The following PLEKHM3 variants were observed in gnomAD, a reference collection of about 807,000 sequenced individuals.
PLEKHM3 encodes the protein pleckstrin homology domain containing M3.
In PLEKHM3, 45 loss-of-function variants were observed where a neutral mutation model predicts 81.8. The ratio of observed to expected loss-of-function variants is 0.55; its 90% CI spans 0.43 to 0.71. PLEKHM3 has a LOEUF of 0.71. Among genes scored for constraint, PLEKHM3 ranks in the 30% least tolerant of loss-of-function variants. The pLI, the probability that PLEKHM3 is intolerant of heterozygous loss-of-function variation, is 0.00. For missense variants in PLEKHM3, 788 were observed against 924.3 expected, an observed-to-expected ratio of 0.85 and a Z score of 1.91; for synonymous variants, 352 against 356.4, an observed-to-expected ratio of 0.99 and a Z score of 0.14.
intron 2 of PLEKHM3, among the ~76,000 whole-genome samples, chr2:207,986,299 G>A (rs745418769): frequency 1.3e-5 from 2 of 152,148 alleles, no homozygotes; most frequent in Non-Finnish European, 2.9e-5. Context: ...TGGAGTACTC[G>A]TAAGACTGCA....
At chr2:207,933,314 T>C (rs1326671649) in intron 4 of PLEKHM3, among the ~76,000 whole-genome samples, 1 of 152,220 alleles carries the variant, frequency 6.6e-6, no homozygotes, top group Non-Finnish European at 1.5e-5. Context: ...GCCCTGTCTT[T>C]AGGTATAATA....
At chr2:208,009,293 C>A (rs912046152) in intron 1 of PLEKHM3, among the ~76,000 whole-genome samples, 22 of 152,168 alleles carry the variant, frequency 1.4e-4, no homozygotes, top group African/African-American at 5.3e-4. Context: ...CCTCTTCCCA[C>A]CTCAACCTAC....
intron 4 of PLEKHM3, among the ~76,000 whole-genome samples, chr2:207,943,867 C>CAAAAA (rs66843432): frequency 6.8e-3 from 516 of 75,442 alleles, no homozygotes; most frequent in East Asian, 9.9e-3. Context: ...GACTCCGTCT[C>CAAAAA]AAAAAAAAAA....
At chr2:207,936,907 A>G (rs1368602585) in intron 4 of PLEKHM3, among the ~76,000 whole-genome samples, 3 of 151,818 alleles carry the variant, frequency 2.0e-5, no homozygotes, top group Admixed American at 6.6e-5. Flanking sequence ...AATTCATGAA[A>G]TATTTTAAAA....
rs1692310451 is a variant in PLEKHM3, at chr2:208,001,646, G to A, written c.-7C>T. The A allele has an allele frequency of 6.2e-7, 1 of 1,608,960 alleles. No individual in the cohort carries two copies. Among genetic ancestry groups the A allele is most frequent in the Admixed American group, 1.7e-5 (1 of 59,208 alleles). On this transcript the variant is annotated 5_prime_UTR_variant, in exon 2 of 8. Coordinates refer to ENST00000427836, the MANE Select transcript of PLEKHM3 (RefSeq NM_001080475.3). ...CCACTTCCAAAGCTTCCATGTCACA[G>A]GCTCCAGGAGGCCTTAGCCTCCTAA... is the stretch of plus-strand genomic sequence containing the variant.
At chr2:207,980,916 G>A (rs986429372) in intron 2 of PLEKHM3, among the ~76,000 whole-genome samples, 5 of 151,940 alleles carry the variant, frequency 3.3e-5, no homozygotes, top group Admixed American at 2.0e-4. Flanking sequence ...ATCACCTGAG[G>A]TCGAGTTTGA....
At position 207,931,134 on chromosome 2, in the gene PLEKHM3, T is replaced by C. The variant is rs377687881; in HGVS notation, c.1693-15A>G. 103 of 1,595,368 alleles carry C rather than the reference T, an allele frequency of 6.5e-5. No homozygotes were observed. The highest frequency in any genetic ancestry group is 8.4e-5 in the Non-Finnish European group (98 of 1,167,628). Reference sequence around the variant, plus strand: ...TGCTTCGACACCTACAAAACAAGCGTCGTCAGTCAGTCCTGGAGAAGCACC... The same window carrying C: ...TGCTTCGACACCTACAAAACAAGCGCCGTCAGTCAGTCCTGGAGAAGCACC... On this transcript the variant is annotated splice_polypyrimidine_tract_variant and intron_variant, in intron 4 of 7. Transcript: ENST00000427836.
chr2:207,925,172 G>A (rs1451826729), intron 5 of PLEKHM3, among the ~76,000 whole-genome samples: 4 of 150,790 alleles, frequency 2.7e-5, no homozygotes, highest in Non-Finnish European at 5.9e-5. Context: ...TGAGAGGGCA[G>A]GTAAAAAAAT....
rs1240122632 is a variant in PLEKHM3 at position 207,828,238 on chromosome 2, G to T, written c.*81C>A. Reference sequence around the variant, plus strand: ...GGATACATACTCTTCTTCCAAAGGGGTCTAACTGGCTAGTTAGGAGGCCGC... The same window carrying T: ...GGATACATACTCTTCTTCCAAAGGGTTCTAACTGGCTAGTTAGGAGGCCGC... On this transcript the variant is annotated 3_prime_UTR_variant, in exon 8 of 8. Coordinates refer to ENST00000427836, the MANE Select transcript of PLEKHM3 (RefSeq NM_001080475.3). 8 of 1,400,768 alleles carry T rather than the reference G, an allele frequency of 5.7e-6. No individual in the cohort carries two copies. Among genetic ancestry groups the T allele is most frequent in the East Asian group, 2.3e-5 (1 of 43,440 alleles). 86.8% of individuals were successfully genotyped at this position (1,400,768 alleles called of 1,614,324 possible). A position where few individuals can be genotyped will look rare whatever the true frequency, so the allele number is the denominator to read the frequency against.
intron 6 of PLEKHM3, among the ~76,000 whole-genome samples, chr2:207,881,029 T>G (rs1409576405): frequency 6.6e-6 from 1 of 151,432 alleles, no homozygotes; most frequent in Non-Finnish European, 1.5e-5. Context: ...ATAGAAACAC[T>G]CTGAATATAG....
intron 7 of PLEKHM3, among the ~76,000 whole-genome samples, chr2:207,831,236 C>A (rs1295880624): frequency 6.6e-6 from 1 of 152,210 alleles, no homozygotes; most frequent in Non-Finnish European, 1.5e-5. Flanking sequence ...CAGTCAACCC[C>A]CTCCTTGCCT....
In PLEKHM3 at chr2:207,977,072, G is replaced by A. The variant is rs1372765746; in HGVS notation, c.1125C>T (p.Asn375=). ...GCACAAATGTAAATGCCTTCCAGTT[G>A]TTTTGGACAGTCAGCCTGTAGAGAG... ...SGTLYRLTVQ[N]NWKAFTFVLS... Residue 375 remains asparagine, a synonymous_variant, in exon 3 of 8, where the codon AAC becomes AAT. Coordinates refer to ENST00000427836, the MANE Select transcript of PLEKHM3 (RefSeq NM_001080475.3). 13 of 1,614,212 alleles carry A rather than the reference G, an allele frequency of 8.1e-6. No individual in the cohort carries two copies. The highest frequency in any genetic ancestry group is 1.0e-5 in the Non-Finnish European group (12 of 1,180,026).
At position 207,849,758 on chromosome 2, in the gene PLEKHM3, G is replaced by C. The variant is rs75738411; in HGVS notation, c.2108+11347C>G. Among the ~76,000 whole-genome samples the C allele has an allele frequency of 7.3e-3, 1,113 of 152,230 alleles. 17 individuals are homozygous for C. The highest frequency in any genetic ancestry group is 0.026 in the African/African-American group (1,066 of 41,544). On this transcript the variant is annotated intron_variant, in intron 7 of 7. Transcript: ENST00000427836. The stretch of plus-strand genomic sequence containing the variant: ...ACTTGTGTTATGCTCCTCTATCTTT[G>C]GAGGTGTTTTATATTCCCTTAACTA...
chr2:207,884,140 CACCCCCCAAAAAAA>C (rs1367666713), intron 6 of PLEKHM3, among the ~76,000 whole-genome samples: 2 of 150,842 alleles, frequency 1.3e-5, no homozygotes, highest in East Asian at 3.9e-4. Flanking sequence ...TCCCCACCCC[CACCCCCCAAAAAAA>C]ACCACTCAAC....
chr2:207,837,632 C>CTTTTTT lies in PLEKHM3; in HGVS notation c.2109-9142_2109-9137dup, dbSNP rs756408346. On this transcript the variant is annotated intron_variant, in intron 7 of 7. Coordinates refer to ENST00000427836, the MANE Select transcript of PLEKHM3 (RefSeq NM_001080475.3). ...TAAAATAAAATTACAATAGTTCTCC[C>CTTTTTT]TTTTTTTTTTTTTTTTTTTGAGATG... Among the ~76,000 whole-genome samples, 52 of 105,956 alleles carry CTTTTTT rather than the reference C, an allele frequency of 4.9e-4. 3 individuals carry two copies. Among genetic ancestry groups the CTTTTTT allele is most frequent in the Non-Finnish European group, 5.6e-4 (31 of 55,316 alleles). The allele number at this position is 105,956 out of a possible 152,430, so 69.5% of individuals were successfully genotyped here. A position where few individuals can be genotyped will look rare whatever the true frequency, so the allele number is the denominator to read the frequency against.
At chr2:207,919,792 T>C (rs1245209867) in intron 5 of PLEKHM3, among the ~76,000 whole-genome samples, 1 of 152,160 alleles carries the variant, frequency 6.6e-6, no homozygotes, top group Non-Finnish European at 1.5e-5. Context: ...TCAGCTACAG[T>C]GAACTCACTA....
At chr2:207,882,314 A>C (rs971165980) in intron 6 of PLEKHM3, among the ~76,000 whole-genome samples, 2 of 152,146 alleles carry the variant, frequency 1.3e-5, no homozygotes, top group African/African-American at 4.8e-5. Context: ...GAAAACAGTT[A>C]TAAAAGGCCT....
intron 1 of PLEKHM3, among the ~76,000 whole-genome samples, chr2:208,006,947 G>C (rs1290479065): frequency 6.6e-6 from 1 of 152,132 alleles, no homozygotes; most frequent in Admixed American, 6.5e-5. Context: ...TGCTCGTTAG[G>C]CAAGGCTAAT....
chr2:207,865,127 G>A (rs1458922323), intron 6 of PLEKHM3, among the ~76,000 whole-genome samples: 1 of 152,118 alleles, frequency 6.6e-6, no homozygotes, highest in Admixed American at 6.5e-5. Flanking sequence ...TCCTAAAACA[G>A]TATTAATAAT....
Sources: allele counts gnomAD v4.1 joint callset (sites outside exome capture counted in the v4.1 genomes callset), GRCh38; gene constraint gnomAD v4.1.1; transcripts MANE v1.5; gene names NCBI Gene and HGNC (gene_info 2026-07-23, HGNC 2026-07-21).